Variants in TRIM37 observed in about 807,000 individuals in gnomAD.
TRIM37 encodes E3 ubiquitin-protein ligase TRIM37.
In TRIM37, 80 loss-of-function variants were observed where a neutral mutation model predicts 129.8. The observed-to-expected ratio is 0.62, with a 90% CI of 0.51 to 0.74. The LOEUF (loss-of-function observed/expected upper bound fraction) is 0.74, where lower values mean the gene tolerates loss of function less well. TRIM37 is among the 30% of genes least tolerant of loss of function. The probability of loss-of-function intolerance (pLI) is 0.00; values close to 1 mark genes in which losing one functional copy is unlikely to be tolerated. For missense variants in TRIM37, 1,054 were observed against 1,176.5 expected, an observed-to-expected ratio of 0.90 and a Z score of 1.52; for synonymous variants, 389 against 387.1, an observed-to-expected ratio of 1.00 and a Z score of -0.06.
At chr17:58,997,572 G>A (rs530724518), downstream of TRIM37, among the ~76,000 whole-genome samples, 4 of 152,186 alleles carry the variant, frequency 2.6e-5, no homozygotes, top group South Asian at 6.2e-4. Flanking sequence ...GAAAGGACAC[G>A]TTCACAGACA....
the TRIM37 span, among the ~76,000 whole-genome samples, chr17:58,973,860 G>A: frequency 6.7e-6 from 1 of 149,102 alleles, no homozygotes; most frequent in Non-Finnish European, 1.5e-5. Context: ...GTTGAGGCAG[G>A]AGAATCACTT....
chr17:59,103,587 G>A (rs957746110), intron 2 of TRIM37, among the ~76,000 whole-genome samples: 3 of 149,768 alleles, frequency 2.0e-5, no homozygotes, highest in Non-Finnish European at 3.0e-5. Context: ...TGATCCACCC[G>A]CCTCGGCCTC....
chr17:58,980,269 T>A, downstream of TRIM37: 1 of 1,614,106 alleles, frequency 6.2e-7, no homozygotes, highest in East Asian at 2.2e-5. This position sits in a 1 kb window ranked among gnomAD's most constrained non-coding sequence, Gnocchi z 4.7. Context: ...AGGAATCAGA[T>A]TGGACAGAGA....
At chr17:59,005,134 G>T (rs2034305708) in intron 22 of TRIM37, among the ~76,000 whole-genome samples, 1 of 152,086 alleles carries the variant, frequency 6.6e-6, no homozygotes, top group African/African-American at 2.4e-5. Context: ...GCACAAATTT[G>T]ACCTCTTATT....
intron 14 of TRIM37, among the ~76,000 whole-genome samples, chr17:59,050,875 G>T (rs945351357): frequency 1.3e-5 from 2 of 152,228 alleles, no homozygotes; most frequent in African/African-American, 4.8e-5. Flanking sequence ...AGCTACTCAG[G>T]AGGCTGAGGC....
rs73319230 is a variant in TRIM37, at chr17:59,075,103, T to C, written c.684+544A>G. Among the ~76,000 whole-genome samples the C allele has an allele frequency of 8.4e-3, 1,281 of 152,284 alleles. 24 individuals carry two copies. The highest frequency in any genetic ancestry group is 0.028 in the African/African-American group (1,180 of 41,550). On this transcript the variant is annotated intron_variant, in intron 8 of 23. Coordinates refer to ENST00000262294, the MANE Select transcript of TRIM37 (RefSeq NM_015294.6). ...TCAGATTTCTATGGAAATAGTTCTG[T>C]TCTTACAAAGCAGAATGTAGTTCTA... is the stretch of plus-strand genomic sequence containing the variant.
At chr17:59,069,222 C>G (rs927341706) in intron 9 of TRIM37, among the ~76,000 whole-genome samples, 8 of 152,036 alleles carry the variant, frequency 5.3e-5, no homozygotes, top group South Asian at 2.1e-4. Context: ...TGGTGCATGC[C>G]TATATTCCCA....
Position 59,032,321 on chromosome 17 carries a change from C to G in TRIM37, c.1754-231G>C, listed in dbSNP as rs369501915. Among the ~76,000 whole-genome samples the G allele has an allele frequency of 1.3e-3, 190 of 150,398 alleles. 2 individuals are homozygous for G. In the Middle Eastern group the frequency reaches 0.017, roughly 14 times the overall value. On this transcript the variant is annotated intron_variant, in intron 17 of 23. Transcript: ENST00000262294. Reference sequence around the variant, plus strand: ...CGGGTGGATCATGAGGTCAGGAGATCGAGACCATCCTGGCTAACAAGGTGA... The same window carrying G: ...CGGGTGGATCATGAGGTCAGGAGATGGAGACCATCCTGGCTAACAAGGTGA...
intron 12 of TRIM37, 24 bp downstream of exon 12, chr17:59,061,008 T>C (rs775372043): frequency 7.5e-6 from 12 of 1,590,510 alleles, no homozygotes; most frequent in African/African-American, 2.7e-5. Flanking sequence ...CACATTAAGG[T>C]TGTTATTTAA....
downstream of TRIM37, among the ~76,000 whole-genome samples, chr17:58,995,015 C>T (rs1466533604): frequency 6.6e-6 from 1 of 152,094 alleles, no homozygotes; most frequent in Non-Finnish European, 1.5e-5. Flanking sequence ...TCCCAAAGTA[C>T]TGGGATTACA....
At chr17:59,065,948 T>C (rs1568148911) in intron 9 of TRIM37, among the ~76,000 whole-genome samples, 1 of 152,258 alleles carries the variant, frequency 6.6e-6, no homozygotes, top group Non-Finnish European at 1.5e-5. Flanking sequence ...ATAGCTACTA[T>C]CCAAATTGAC....
At chr17:59,033,778 C>T (rs971197707) in intron 17 of TRIM37, among the ~76,000 whole-genome samples, 7 of 151,640 alleles carry the variant, frequency 4.6e-5, no homozygotes, top group African/African-American at 1.5e-4. Flanking sequence ...TGTCAGTCAG[C>T]TGAAGGAGTT....
At chr17:59,009,327 C>T (rs2034947093) in intron 22 of TRIM37, among the ~76,000 whole-genome samples, 1 of 151,970 alleles carries the variant, frequency 6.6e-6, no homozygotes, top group Admixed American at 6.6e-5. Flanking sequence ...GGGGTTTCAC[C>T]ATGTTGGCCA....
intron 18 of TRIM37, among the ~76,000 whole-genome samples, chr17:59,028,982 C>T (rs1169335827): frequency 6.6e-6 from 1 of 151,990 alleles, no homozygotes; most frequent in Non-Finnish European, 1.5e-5. Context: ...TAAAAGCTGC[C>T]CTACTGCCTT....
intron 13 of TRIM37, among the ~76,000 whole-genome samples, chr17:59,055,332 CAAAAAAAAAAAAA>C (rs34519741): frequency 1.5e-5 from 1 of 65,658 alleles, no homozygotes; most frequent in African/African-American, 6.2e-5. Context: ...AACTCTGTCT[CAAAAAAAAAAAAA>C]AAAAAAAAAA....
At chr17:59,087,572 G>A (rs952546189) in intron 4 of TRIM37, among the ~76,000 whole-genome samples, 3 of 150,198 alleles carry the variant, frequency 2.0e-5, no homozygotes, top group Non-Finnish European at 2.9e-5. Context: ...TGGGACTACA[G>A]ATGCACACCA....
the TRIM37 span, among the ~76,000 whole-genome samples, chr17:58,970,963 TGTG>T: frequency 6.6e-6 from 1 of 151,976 alleles, no homozygotes; most frequent in Non-Finnish European, 1.5e-5. Flanking sequence ...CTCAAAATTA[TGTG>T]TTGTTGTTGT....
intron 20 of TRIM37, 81 bp from the exon 21 acceptor site, chr17:59,015,880 G>C (rs1471074545): frequency 7.3e-7 from 1 of 1,364,974 alleles, no homozygotes; most frequent in Admixed American, 1.9e-5. Context: ...TTGGGAGGTT[G>C]AAACACAAGG....
At chr17:59,034,039 A>G (rs1465535448) in intron 17 of TRIM37, among the ~76,000 whole-genome samples, 1 of 151,522 alleles carries the variant, frequency 6.6e-6, no homozygotes, top group Admixed American at 6.6e-5. Flanking sequence ...CCTGGGAGGC[A>G]GAGGTTACAG....
Sources: allele counts gnomAD v4.1 joint callset (sites outside exome capture counted in the v4.1 genomes callset), GRCh38; gene constraint gnomAD v4.1.1; non-coding constraint Gnocchi (gnomAD v3.1); transcripts MANE v1.5; gene names NCBI Gene and HGNC (gene_info 2026-07-23, HGNC 2026-07-21).